MACROD2: variants seen among roughly 807,000 people sequenced by gnomAD.
MACROD2 encodes mono-ADP ribosylhydrolase 2, also known as ADP-ribose glycohydrolase MACROD2.
Under a neutral mutation model 70.4 loss-of-function variants are expected in MACROD2, and 36 were observed. The ratio of observed to expected loss-of-function variants is 0.51; its 90% CI spans 0.39 to 0.68. The LOEUF is 0.68. MACROD2 is among the 30% of genes least tolerant of loss of function. The pLI is 0.00. For missense variants in MACROD2, 496 were observed against 538.4 expected, an observed-to-expected ratio of 0.92 and a Z score of 0.78; for synonymous variants, 172 against 178.8, an observed-to-expected ratio of 0.96 and a Z score of 0.30.
intron 8 of MACROD2, among the ~76,000 whole-genome samples, chr20:15,567,820 G>C (rs2048329128): frequency 6.6e-6 from 1 of 152,218 alleles, no homozygotes; most frequent in African/African-American, 2.4e-5. Context: ...CTCTGCTCCA[G>C]TGAATGGTAC....
At chr20:15,310,243 T>C (rs2146145248) in intron 6 of MACROD2, among the ~76,000 whole-genome samples, 1 of 152,318 alleles carries the variant, frequency 6.6e-6, no homozygotes, top group African/African-American at 2.4e-5. Flanking sequence ...TATGCTTTGG[T>C]CTACTTCCCC....
At chr20:15,933,247 T>C (rs1163868822) in intron 10 of MACROD2, 29 bp from the exon 11 acceptor site, 1 of 1,587,442 alleles carries the variant, frequency 6.3e-7, no homozygotes, top group Non-Finnish European at 8.6e-7. Flanking sequence ...ACTTGATGCA[T>C]TTTTTTTCCT....
intron 4 of MACROD2, among the ~76,000 whole-genome samples, chr20:14,520,190 G>T (rs931942863): frequency 7.2e-5 from 11 of 152,128 alleles, no homozygotes; most frequent in African/African-American, 2.7e-4. Context: ...TAGCAAACCT[G>T]CACGTGTACC....
intron 17 of MACROD2, among the ~76,000 whole-genome samples, chr20:16,047,055 G>T (rs905582959): frequency 6.6e-6 from 1 of 152,094 alleles, no homozygotes; most frequent in East Asian, 1.9e-4. Flanking sequence ...CTAATAAATG[G>T]AAATTTAAAT....
chr20:15,463,042 A>G (rs1401026795), intron 7 of MACROD2, among the ~76,000 whole-genome samples: 2 of 152,258 alleles, frequency 1.3e-5, no homozygotes, highest in Non-Finnish European at 2.9e-5. Flanking sequence ...TAACAGATGT[A>G]TGCATGAAAC....
At chr20:15,289,143 T>C (rs1360041664) in intron 6 of MACROD2, among the ~76,000 whole-genome samples, 2 of 152,226 alleles carry the variant, frequency 1.3e-5, no homozygotes, top group Non-Finnish European at 2.9e-5. Flanking sequence ...AAAGAATTAA[T>C]ATGAAGTGGA....
At chr20:15,778,314 G>T (rs1044925150) in intron 8 of MACROD2, among the ~76,000 whole-genome samples, 2 of 151,966 alleles carry the variant, frequency 1.3e-5, no homozygotes, top group Non-Finnish European at 2.9e-5. Context: ...CCAACTTTGT[G>T]TGCATTTCTA....
At chr20:15,359,516 T>G (rs2078327357) in intron 6 of MACROD2, among the ~76,000 whole-genome samples, 1 of 151,228 alleles carries the variant, frequency 6.6e-6, no homozygotes, top group African/African-American at 2.4e-5. Context: ...ATATACACAA[T>G]AATTTCTTAA....
At chr20:14,677,372 C>G (rs1050173799) in intron 4 of MACROD2, among the ~76,000 whole-genome samples, 5 of 152,286 alleles carry the variant, frequency 3.3e-5, no homozygotes, top group Admixed American at 3.3e-4. Context: ...CTTTCTATCC[C>G]GCTCTCAGAC....
intron 5 of MACROD2, among the ~76,000 whole-genome samples, chr20:15,125,858 C>T (rs1472317246): frequency 6.6e-6 from 1 of 151,720 alleles, no homozygotes; most frequent in African/African-American, 2.4e-5. Flanking sequence ...TTTCTCTTCC[C>T]CCCTGTCTTC....
intron 6 of MACROD2, among the ~76,000 whole-genome samples, chr20:15,275,760 G>A (rs2077385335): frequency 6.6e-6 from 1 of 152,158 alleles, no homozygotes; most frequent in Admixed American, 6.5e-5. Context: ...GGTGACTTGT[G>A]TTAGACCTGG....
chr20:15,607,823 C>T (rs367667935), intron 8 of MACROD2, among the ~76,000 whole-genome samples: 45 of 152,278 alleles, frequency 3.0e-4, no homozygotes, highest in African/African-American at 9.9e-4. Flanking sequence ...TGTAAGTTAC[C>T]GCGCCCGGCT....
At chr20:15,012,114 G>T (rs774834220) in intron 5 of MACROD2, among the ~76,000 whole-genome samples, 13 of 152,124 alleles carry the variant, frequency 8.5e-5, no homozygotes, top group Non-Finnish European at 1.9e-4. Context: ...GAACCCCAAA[G>T]GGTCACAAAA....
intron 5 of MACROD2, among the ~76,000 whole-genome samples, chr20:15,063,642 G>A (rs1303591625): frequency 6.6e-6 from 1 of 152,082 alleles, no homozygotes; most frequent in Non-Finnish European, 1.5e-5. Context: ...ATTAACCTAG[G>A]GAATGTATGA....
At chr20:15,611,195 T>G (rs991401482) in intron 8 of MACROD2, among the ~76,000 whole-genome samples, 2 of 152,062 alleles carry the variant, frequency 1.3e-5, no homozygotes, top group Non-Finnish European at 2.9e-5. Flanking sequence ...GAATTGTGCC[T>G]TATTTAGTCC....
intron 8 of MACROD2, among the ~76,000 whole-genome samples, chr20:15,607,398 A>T (rs563545713): frequency 6.6e-6 from 1 of 152,244 alleles, no homozygotes; most frequent in Non-Finnish European, 1.5e-5. Context: ...TCCTGTTCAC[A>T]GTGACCCAAG....
chr20:14,598,286 T>G (rs574014321), intron 4 of MACROD2, among the ~76,000 whole-genome samples: 4 of 152,168 alleles, frequency 2.6e-5, no homozygotes, highest in Non-Finnish European at 5.9e-5. Flanking sequence ...AACAAAAGTT[T>G]TATCTTCTTT....
intron 8 of MACROD2, among the ~76,000 whole-genome samples, chr20:15,663,426 G>T (rs909829241): frequency 6.6e-6 from 1 of 151,816 alleles, no homozygotes; most frequent in African/African-American, 2.4e-5. Flanking sequence ...AGTAGAGAAA[G>T]GGTTTCACCA....
intron 8 of MACROD2, among the ~76,000 whole-genome samples, chr20:15,647,697 G>A (rs536762460): frequency 3.3e-4 from 50 of 151,012 alleles, no homozygotes; most frequent in Middle Eastern, 3.4e-3. Context: ...GGTCACTACC[G>A]TAAGTAATGG....
Sources: allele counts gnomAD v4.1 joint callset (sites outside exome capture counted in the v4.1 genomes callset), GRCh38; gene constraint gnomAD v4.1.1; transcripts MANE v1.5; gene names NCBI Gene and HGNC (gene_info 2026-07-23, HGNC 2026-07-21).